SHC3: variants seen among roughly 807,000 people sequenced by gnomAD.
SHC3 encodes the protein SHC adaptor protein 3.
SHC3 carries 15 observed loss-of-function variants against 60.4 expected under a neutral mutation model. That is an observed-to-expected ratio of 0.25 (90% CI 0.17 to 0.38). SHC3 has a LOEUF of 0.38. Among genes scored for constraint, SHC3 ranks in the 10% least tolerant of loss-of-function variants. SHC3 has a pLI of 1.00. For missense variants in SHC3, 677 were observed against 786.1 expected (o/e 0.86, Z 1.66); for synonymous variants, 294 against 325.9 (o/e 0.90, Z 1.05).
At chr9:89,166,098 C>G (rs1826785229) in intron 1 of SHC3, among the ~76,000 whole-genome samples, 1 of 152,146 alleles carries the variant, frequency 6.6e-6, no homozygotes, top group Non-Finnish European at 1.5e-5. Flanking sequence ...TCTGTCGCCT[C>G]CTGGAGATGG....
At chr9:89,167,618 C>T (rs1281377672) in intron 1 of SHC3, among the ~76,000 whole-genome samples, 1 of 152,210 alleles carries the variant, frequency 6.6e-6, no homozygotes, top group South Asian at 2.1e-4. Context: ...GAGGCATCAC[C>T]CTGCCTAGTT....
chr9:89,159,410 C>T (rs1169379043), intron 1 of SHC3, among the ~76,000 whole-genome samples: 2 of 152,072 alleles, frequency 1.3e-5, no homozygotes, highest in Non-Finnish European at 2.9e-5. Flanking sequence ...AAATGTTTGG[C>T]TTGGAGAAGA....
At chr9:89,110,786 C>T (rs1200054392) in intron 2 of SHC3, among the ~76,000 whole-genome samples, 13 of 152,140 alleles carry the variant, frequency 8.5e-5, no homozygotes, top group African/African-American at 2.9e-4. Flanking sequence ...CTCCACTTGT[C>T]CCATTATGCT....
At position 89,175,018 on chromosome 9, in the gene SHC3, T is replaced by C. The variant is rs1826922842; in HGVS notation, c.474+2969A>G. ...ACTTTAGGATAAGATAATTTAAAGG[T>C]GGGCAGCACCGTAATCAATACTCAT... is the stretch of plus-strand genomic sequence containing the variant. On this transcript the variant is annotated intron_variant, in intron 1 of 11. Coordinates refer to ENST00000375835, the MANE Select transcript of SHC3 (RefSeq NM_016848.6). Among the ~76,000 whole-genome samples the C allele has an allele frequency of 2.6e-5, 4 of 152,358 alleles. No individual in the cohort carries two copies. The South Asian group carries it at 8.3e-4, about 32-fold the overall frequency.
chr9:89,169,922 A>G (rs1214177361), intron 1 of SHC3, among the ~76,000 whole-genome samples: 60 of 152,340 alleles, frequency 3.9e-4, no homozygotes, highest in Admixed American at 3.9e-3. Context: ...CAAGACAGGC[A>G]GGGCTGCAAG....
At chr9:89,158,116 C>T (rs1179267603) in intron 1 of SHC3, among the ~76,000 whole-genome samples, 2 of 151,324 alleles carry the variant, frequency 1.3e-5, no homozygotes, top group East Asian at 3.9e-4. Context: ...AAGAACTTTT[C>T]TGTTTTCTAA....
rs145858190 is a variant in SHC3, at chr9:89,033,348, T to G, written c.1656+4645A>C. Among the ~76,000 whole-genome samples the G allele has an allele frequency of 9.2e-5, 14 of 152,336 alleles. No homozygotes were observed. The East Asian group carries it at 2.7e-3, about 29-fold the overall frequency. On this transcript the variant is annotated intron_variant, in intron 11 of 11. Transcript: ENST00000375835. The stretch of plus-strand genomic sequence containing the variant: ...TTAACTAGATTTTAGCTTTTTGTTT[T>G]TTTAAATATCTAAAATTTTGAACTG...
chr9:89,054,952 G>A (rs1018267446), intron 6 of SHC3, among the ~76,000 whole-genome samples: 2 of 152,184 alleles, frequency 1.3e-5, no homozygotes, highest in Non-Finnish European at 1.5e-5. Context: ...AAGCTGCCCC[G>A]GAGCAGCCAC....
intron 9 of SHC3, among the ~76,000 whole-genome samples, chr9:89,044,312 A>G (rs1331651049): frequency 6.6e-6 from 1 of 152,238 alleles, no homozygotes; most frequent in East Asian, 1.9e-4. Flanking sequence ...GAGGCAGAAC[A>G]TGTGGTGGCT....
At chr9:89,041,305 T>C (rs974010168) in intron 10 of SHC3, among the ~76,000 whole-genome samples, 5 of 152,276 alleles carry the variant, frequency 3.3e-5, no homozygotes, top group African/African-American at 1.2e-4. Flanking sequence ...ACTATAATGC[T>C]ATCTGCAATA....
chr9:89,016,394 T>C (rs1253464287), intron 11 of SHC3, among the ~76,000 whole-genome samples: 1 of 152,200 alleles, frequency 6.6e-6, no homozygotes, highest in Non-Finnish European at 1.5e-5. Context: ...ATCTGTATTA[T>C]GGATGGCTCT....
chr9:89,042,433 G>T (rs188219717), intron 9 of SHC3, among the ~76,000 whole-genome samples: 44 of 152,320 alleles, frequency 2.9e-4, no homozygotes, highest in African/African-American at 1.0e-3. Flanking sequence ...TGGCTCCACT[G>T]TGATGGCCTT....
chr9:89,041,441 A>G (rs776461387), intron 10 of SHC3, among the ~76,000 whole-genome samples: 1 of 152,236 alleles, frequency 6.6e-6, no homozygotes. Context: ...ATCTCCATCA[A>G]GTAGAATAGT....
At chr9:89,057,705 G>GC (rs1270851035) in intron 6 of SHC3, among the ~76,000 whole-genome samples, 1 of 152,066 alleles carries the variant, frequency 6.6e-6, no homozygotes, top group Non-Finnish European at 1.5e-5. Context: ...TGTGCACAAG[G>GC]CCCTGCCCTA....
chr9:89,022,988 C>T (rs1451914317), intron 11 of SHC3, among the ~76,000 whole-genome samples: 1 of 152,224 alleles, frequency 6.6e-6, no homozygotes, highest in Non-Finnish European at 1.5e-5. Context: ...AAGACAAGAA[C>T]TGAGGTCTCA....
chr9:89,014,706 T>C (rs1310962545), intron 11 of SHC3, among the ~76,000 whole-genome samples: 3 of 152,148 alleles, frequency 2.0e-5, no homozygotes, highest in Non-Finnish European at 4.4e-5. Flanking sequence ...CAAATTCTCA[T>C]TGTGACTCCT....
At chr9:89,070,472 C>T (rs1486942075) in intron 5 of SHC3, among the ~76,000 whole-genome samples, 1 of 152,124 alleles carries the variant, frequency 6.6e-6, no homozygotes, top group Non-Finnish European at 1.5e-5. Context: ...GTGTGGATTC[C>T]GCCCTGTCCC....
At chr9:89,124,242 G>A (rs1291453275) in intron 1 of SHC3, among the ~76,000 whole-genome samples, 2 of 152,194 alleles carry the variant, frequency 1.3e-5, no homozygotes, top group Non-Finnish European at 2.9e-5. Flanking sequence ...ACTGTTGGTA[G>A]GAGTGTAAAT....
intron 1 of SHC3, among the ~76,000 whole-genome samples, chr9:89,177,090 G>C (rs1564200785): frequency 6.6e-6 from 1 of 152,212 alleles, no homozygotes; most frequent in Non-Finnish European, 1.5e-5. Flanking sequence ...CTTAACCCCT[G>C]TCTGCTCGGC....
Sources: allele counts gnomAD v4.1 joint callset (sites outside exome capture counted in the v4.1 genomes callset), GRCh38; gene constraint gnomAD v4.1.1; transcripts MANE v1.5; gene names NCBI Gene and HGNC (gene_info 2026-07-23, HGNC 2026-07-21).